TBCD: variants seen among roughly 807,000 people sequenced by gnomAD.
TBCD encodes tubulin-specific chaperone D.
TBCD carries 105 observed loss-of-function variants against 169.3 expected under a neutral mutation model. That is an observed-to-expected ratio of 0.62 (90% CI 0.53 to 0.73). The LOEUF (loss-of-function observed/expected upper bound fraction) is 0.73, where lower values mean the gene tolerates loss of function less well. Among genes scored for constraint, TBCD ranks in the 30% least tolerant of loss-of-function variants. TBCD has a pLI of 0.00. For missense variants in TBCD, 1,444 were observed against 1,600.1 expected (o/e 0.90, Z 1.66); for synonymous variants, 700 against 643.9 (o/e 1.09, Z -1.32).
In TBCD at chr17:82,756,095, T is replaced by C. The variant is rs897760569; in HGVS notation, c.185-70T>C. ...CCCTGTGGAAGCTAGCAAGGGAAAATGGGGTTTCTGAGGCTCATGGGTATG... is the reference window on the plus strand; with the variant it reads ...CCCTGTGGAAGCTAGCAAGGGAAAACGGGGTTTCTGAGGCTCATGGGTATG... On this transcript the variant is annotated intron_variant, in intron 1 of 38. Coordinates refer to ENST00000355528, the MANE Select transcript of TBCD (RefSeq NM_005993.5). 32 of 1,386,100 alleles carry C rather than the reference T, an allele frequency of 2.3e-5. No individual in the cohort carries two copies. The Admixed American group carries it at 5.1e-4, about 22-fold the overall frequency. 85.9% of individuals were successfully genotyped at this position (1,386,100 alleles called of 1,614,324 possible).
Position 82,870,106 on chromosome 17 carries a change from C to G in TBCD, c.1319-118C>G, listed in dbSNP as rs892158873. 6 of 1,393,448 alleles carry G rather than the reference C, an allele frequency of 4.3e-6. No homozygotes were observed. The Admixed American group carries it at 1.2e-4, about 29-fold the overall frequency. The allele number at this position is 1,393,448 out of a possible 1,614,324, so 86.3% of individuals were successfully genotyped here. A position where few individuals can be genotyped will look rare whatever the true frequency, so the allele number is the denominator to read the frequency against. ...CTCTGGGTGGGCTCCGTGTCGCTTG[C>G]GTGCCTCACTCATCTGGCACCGTGA... On this transcript the variant is annotated intron_variant, in intron 13 of 38. Transcript: ENST00000355528.
intron 13 of TBCD, among the ~76,000 whole-genome samples, chr17:82,846,751 C>T (rs1212462358): frequency 6.6e-6 from 1 of 152,224 alleles, no homozygotes; most frequent in Non-Finnish European, 1.5e-5. Context: ...TGGTCACCTG[C>T]CTGAGAACCC....
intron 6 of TBCD, among the ~76,000 whole-genome samples, chr17:82,772,974 C>G (rs1413559508): frequency 6.6e-6 from 1 of 152,216 alleles, no homozygotes; most frequent in Non-Finnish European, 1.5e-5. Flanking sequence ...CTGAGCGCAG[C>G]AGGCCTGCGG....
chr17:82,881,184 C>G (rs2058328800), intron 14 of TBCD, among the ~76,000 whole-genome samples: 1 of 152,224 alleles, frequency 6.6e-6, no homozygotes, highest in Admixed American at 6.5e-5. Flanking sequence ...TGGGGTCTCT[C>G]TCGGCCCGGT....
At chr17:82,768,320 G>A in intron 4 of TBCD, 100 bp from the exon 5 acceptor site, 1 of 1,407,254 alleles carries the variant, frequency 7.1e-7, no homozygotes, top group Non-Finnish European at 9.9e-7. Context: ...GCTTTCATAG[G>A]CATTGGGTGG....
intron 22 of TBCD, among the ~76,000 whole-genome samples, chr17:82,910,469 T>G (rs2060552827): frequency 6.6e-6 from 1 of 152,260 alleles, no homozygotes; most frequent in African/African-American, 2.4e-5. Flanking sequence ...CTTATTGAGC[T>G]GTTAGAACTC....
chr17:82,807,916 C>T (rs2051098698), intron 11 of TBCD, among the ~76,000 whole-genome samples: 1 of 152,230 alleles, frequency 6.6e-6, no homozygotes, highest in Non-Finnish European at 1.5e-5. Context: ...ACCTGTTTAT[C>T]TTCAAAATGT....
At chr17:82,941,543 T>A in intron 38 of TBCD, 60 bp downstream of exon 38, 1 of 1,456,114 alleles carries the variant, frequency 6.9e-7, no homozygotes, top group Non-Finnish European at 9.4e-7. Flanking sequence ...TGGAATGTTC[T>A]GGGGCCAGCG....
At chr17:82,772,952 T>C (rs115693594) in intron 6 of TBCD, among the ~76,000 whole-genome samples, 1,529 of 152,210 alleles carry the variant, frequency 0.01, 21 homozygotes, top group African/African-American at 0.035. Context: ...CAGGGGAAGG[T>C]GGTTTTCTCT....
chr17:82,923,536 G>T lies in TBCD; in HGVS notation c.2179-116G>T, dbSNP rs2061542543. Reference sequence around the variant, plus strand: ...GCAGGGGCTGCTCTGACCTCAGGGTGACCACGGTGTCCCTGGTCAGGTGCT... The same window carrying T: ...GCAGGGGCTGCTCTGACCTCAGGGTTACCACGGTGTCCCTGGTCAGGTGCT... On this transcript the variant is annotated intron_variant, in intron 25 of 38. Transcript: ENST00000355528. The surrounding 1 kb of genome is among the most constrained non-coding windows in gnomAD (Gnocchi z 4.6). The T allele has an allele frequency of 3.6e-6, 3 of 844,836 alleles. No individual in the cohort carries two copies. Among genetic ancestry groups the T allele is most frequent in the Admixed American group, 2.4e-5 (1 of 41,214 alleles). 52.3% of individuals were successfully genotyped at this position (844,836 alleles called of 1,614,324 possible). A position where few individuals can be genotyped will look rare whatever the true frequency, so the allele number is the denominator to read the frequency against.
At chr17:82,912,277 C>T (rs1012821694) in intron 23 of TBCD, among the ~76,000 whole-genome samples, 6 of 152,216 alleles carry the variant, frequency 3.9e-5, no homozygotes, top group Non-Finnish European at 8.8e-5. Flanking sequence ...CTTACACACC[C>T]GAGTCCAGGC....
At chr17:82,764,541 AG>A (rs1290342824) in intron 3 of TBCD, among the ~76,000 whole-genome samples, 1 of 152,152 alleles carries the variant, frequency 6.6e-6, no homozygotes, top group Non-Finnish European at 1.5e-5. Flanking sequence ...GCTGCTTGGG[AG>A]GCTGAGGCGG....
chr17:82,907,417 TCACGCCTGTAATC>T (rs1216401742), intron 20 of TBCD, among the ~76,000 whole-genome samples: 1 of 152,212 alleles, frequency 6.6e-6, no homozygotes, highest in African/African-American at 2.4e-5. Context: ...GCATAGTGGC[TCACGCCTGTAATC>T]CCAGCTATTT....
chr17:82,753,836 C>A (rs2047251579), intron 1 of TBCD, among the ~76,000 whole-genome samples: 1 of 149,746 alleles, frequency 6.7e-6, no homozygotes, highest in Admixed American at 6.7e-5. Context: ...TTAGTTCACG[C>A]AGAGCCGGTT....
intron 28 of TBCD, chr17:82,926,813 ACCT>A (rs1429544080): frequency 2.8e-5 from 14 of 508,276 alleles, no homozygotes; most frequent in African/African-American, 1.9e-4. Flanking sequence ...ACAGACACGC[ACCT>A]GGGGCCACGC....
intron 38 of TBCD, chr17:82,942,193 GT>G (rs757514171): frequency 7.2e-6 from 4 of 555,592 alleles, no homozygotes; most frequent in Non-Finnish European, 1.3e-5. Context: ...TTTCAAACGT[GT>G]GAATGCAGGT....
chr17:82,772,496 C>T lies in TBCD; in HGVS notation c.627C>T (p.Val209=), dbSNP rs752489342. Reference sequence around the variant, plus strand: ...ACAAGGCCCGAGATGCAGCTGCTGTCCTTGTGTCCAGGTAAGTTTCCATGG... The same window carrying T: ...ACAAGGCCCGAGATGCAGCTGCTGTTCTTGTGTCCAGGTAAGTTTCCATGG... ...VSDKARDAAA[V]LVSRFITRPD... The change falls in exon 6 of 39, where the codon GTC becomes GTT. Residue 209 remains valine (V), a synonymous_variant. Transcript: ENST00000355528. 1.2e-6 allele frequency: 2 copies of T among 1,613,912 alleles called. No homozygotes were observed. Among genetic ancestry groups the T allele is most frequent in the South Asian group, 1.1e-5 (1 of 91,066 alleles).
At chr17:82,790,270 A>G (rs2049612879) in intron 7 of TBCD, among the ~76,000 whole-genome samples, 1 of 152,036 alleles carries the variant, frequency 6.6e-6, no homozygotes, top group African/African-American at 2.4e-5. Context: ...TGAGCCATCC[A>G]TTCATAGAGT....
chr17:82,870,256 G>A lies in TBCD; in HGVS notation c.1351G>A (p.Asp451Asn), dbSNP rs773678901. The A allele has an allele frequency of 1.9e-6, 3 of 1,613,380 alleles. No homozygotes were observed. The highest frequency in any genetic ancestry group is 2.2e-5 in the South Asian group (2 of 91,072). Residue 451 changes from aspartate (D) to asparagine (N), a missense_variant, in exon 14 of 39, where the codon GAC becomes AAC. Asp to Asn is a conservative substitution (Grantham distance 23). Transcript: ENST00000355528. ...VAVILKALTY[D>N]EKRGACSVGT... ...CGTGATCCTGAAGGCGCTGACCTAC[G>A]ACGAGAAGCGGGGTGCCTGCAGCGT...
Sources: gnomAD v4.1 joint callset for allele counts (sites outside exome capture counted in the v4.1 genomes callset) on GRCh38, gnomAD v4.1.1 for gene constraint, Gnocchi (gnomAD v3.1) non-coding constraint, MANE v1.5 for transcripts, NCBI Gene and HGNC (gene_info 2026-07-23, HGNC 2026-07-21) for gene names.